NXPH1: variants seen among roughly 807,000 people sequenced by gnomAD.
NXPH1 encodes the protein neurexophilin 1.
Under a neutral mutation model 23.7 loss-of-function variants are expected in NXPH1, and 5 were observed. The observed-to-expected ratio is 0.21, with a 90% CI of 0.11 to 0.44. The LOEUF (loss-of-function observed/expected upper bound fraction) is 0.44. NXPH1 is among the 20% of genes least tolerant of loss of function. The pLI is 0.99. For missense variants in NXPH1, 324 were observed against 321.6 expected (o/e 1.01, Z -0.06); for synonymous variants, 144 against 122.2 (o/e 1.18, Z -1.18).
intron 2 of NXPH1, among the ~76,000 whole-genome samples, chr7:8,597,065 G>A (rs1819242380): frequency 6.6e-6 from 1 of 151,992 alleles, no homozygotes; most frequent in Non-Finnish European, 1.5e-5. Flanking sequence ...GGCAAAGTGG[G>A]GATGGTCATT....
chr7:8,505,469 A>G (rs1167398730), intron 2 of NXPH1, among the ~76,000 whole-genome samples: 2 of 152,040 alleles, frequency 1.3e-5, no homozygotes, highest in Non-Finnish European at 2.9e-5. Flanking sequence ...GAAATAAATA[A>G]TAGACCTCAA....
At chr7:8,437,506 T>A (rs1308630774) in intron 2 of NXPH1, among the ~76,000 whole-genome samples, 30 of 152,212 alleles carry the variant, frequency 2.0e-4, no homozygotes. Flanking sequence ...TCTTACGTCC[T>A]TGGGCTGTGC....
chr7:8,660,275 G>C (rs1252168160), intron 2 of NXPH1, among the ~76,000 whole-genome samples: 1 of 152,160 alleles, frequency 6.6e-6, no homozygotes, highest in African/African-American at 2.4e-5. Context: ...TTAAGTAACA[G>C]TCTGAGTAGC....
At chr7:8,746,561 C>T (rs946618901) in intron 2 of NXPH1, among the ~76,000 whole-genome samples, 1 of 152,192 alleles carries the variant, frequency 6.6e-6, no homozygotes, top group Non-Finnish European at 1.5e-5. Context: ...GTCACAGCAG[C>T]ACTTTCAAAA....
chr7:8,640,049 C>A (rs1820282420), intron 2 of NXPH1, among the ~76,000 whole-genome samples: 1 of 152,110 alleles, frequency 6.6e-6, no homozygotes, highest in African/African-American at 2.4e-5. Flanking sequence ...TTTATAGGAA[C>A]TCTATACATA....
intron 2 of NXPH1, among the ~76,000 whole-genome samples, chr7:8,721,779 A>T (rs1028373769): frequency 6.6e-6 from 1 of 152,268 alleles, no homozygotes; most frequent in Non-Finnish European, 1.5e-5. Context: ...TCTGTCTCAA[A>T]AAAGGCATTT....
chr7:8,743,831 C>T (rs182694507), intron 2 of NXPH1, among the ~76,000 whole-genome samples: 1 of 152,014 alleles, frequency 6.6e-6, no homozygotes, highest in Non-Finnish European at 1.5e-5. Flanking sequence ...CCACAGGCAC[C>T]CACCACCGTG....
chr7:8,525,078 G>T (rs762903247), intron 2 of NXPH1, among the ~76,000 whole-genome samples: 7 of 152,186 alleles, frequency 4.6e-5, no homozygotes, highest in Non-Finnish European at 1.0e-4. Context: ...GAACTTCCTA[G>T]AGACTTGTTG....
At chr7:8,499,213 T>C (rs1817390409) in intron 2 of NXPH1, among the ~76,000 whole-genome samples, 1 of 152,066 alleles carries the variant, frequency 6.6e-6, no homozygotes, top group Non-Finnish European at 1.5e-5. Context: ...TTAAAGTCTC[T>C]TCTATCACCA....
intron 2 of NXPH1, among the ~76,000 whole-genome samples, chr7:8,669,026 A>T (rs545576808): frequency 3.3e-5 from 5 of 152,026 alleles, no homozygotes; most frequent in African/African-American, 9.7e-5. Context: ...GACTAGTTCT[A>T]TGAGGGCCAT....
intron 2 of NXPH1, among the ~76,000 whole-genome samples, chr7:8,612,201 C>A (rs560456105): frequency 6.6e-6 from 1 of 151,244 alleles, no homozygotes; most frequent in African/African-American, 2.4e-5. Flanking sequence ...TACCTCTCTC[C>A]ATCCCTCTTT....
chr7:8,648,001 A>G (rs774258775), intron 2 of NXPH1, among the ~76,000 whole-genome samples: 6 of 152,068 alleles, frequency 3.9e-5, no homozygotes, highest in Non-Finnish European at 8.8e-5. Flanking sequence ...AACTCACTGT[A>G]TGCCTTTTTA....
chr7:8,523,725 G>C (rs778626139), intron 2 of NXPH1, among the ~76,000 whole-genome samples: 1 of 152,184 alleles, frequency 6.6e-6, no homozygotes, highest in Non-Finnish European at 1.5e-5. Context: ...GAGTGAATGA[G>C]TAAATGAACA....
chr7:8,510,856 C>A (rs1274707376), intron 2 of NXPH1, among the ~76,000 whole-genome samples: 1 of 152,104 alleles, frequency 6.6e-6, no homozygotes, highest in African/African-American at 2.4e-5. Context: ...TCTCAATAGG[C>A]ACTTGCTTTT....
intron 2 of NXPH1, among the ~76,000 whole-genome samples, chr7:8,626,247 G>A (rs896459385): frequency 6.6e-6 from 1 of 152,032 alleles, no homozygotes; most frequent in Non-Finnish European, 1.5e-5. Flanking sequence ...CATATTGAGT[G>A]TAATGAAGCA....
intron 2 of NXPH1, among the ~76,000 whole-genome samples, chr7:8,622,890 G>C (rs796875348): frequency 2.6e-5 from 4 of 152,326 alleles, no homozygotes; most frequent in African/African-American, 9.6e-5. Context: ...TAAGGACTAT[G>C]AGTGCAGAGG....
At chr7:8,653,320 A>T (rs192141263) in intron 2 of NXPH1, among the ~76,000 whole-genome samples, 207 of 152,306 alleles carry the variant, frequency 1.4e-3, no homozygotes, top group Non-Finnish European at 2.5e-3. Context: ...CATATATTTT[A>T]GCAGTTTTGG....
intron 2 of NXPH1, among the ~76,000 whole-genome samples, chr7:8,475,612 C>T (rs186088313): frequency 3.4e-4 from 52 of 152,208 alleles, no homozygotes; most frequent in Admixed American, 3.1e-3. Context: ...GGAATCGGGA[C>T]TGATTGCTGG....
chr7:8,719,204 C>T (rs1779925908), intron 2 of NXPH1, among the ~76,000 whole-genome samples: 1 of 152,120 alleles, frequency 6.6e-6, no homozygotes, highest in African/African-American at 2.4e-5. Context: ...TTAAAATATG[C>T]AAAGCGCAGA....
Sources: allele counts gnomAD v4.1 joint callset (sites outside exome capture counted in the v4.1 genomes callset), GRCh38; gene constraint gnomAD v4.1.1; transcripts MANE v1.5; gene names NCBI Gene and HGNC (gene_info 2026-07-23, HGNC 2026-07-21).